The following CSGALNACT2 variants were observed in gnomAD, a reference collection of about 807,000 sequenced individuals.
CSGALNACT2 encodes the protein beta 4 GalNAcT-2.
A neutral mutation model predicts 55.3 loss-of-function variants in CSGALNACT2; 35 were observed. That is an observed-to-expected ratio of 0.63 (90% confidence interval 0.48 to 0.84). The LOEUF (loss-of-function observed/expected upper bound fraction) is 0.84. Among genes scored for constraint, CSGALNACT2 ranks in the 40% least tolerant of loss-of-function variants. The pLI is 0.00. For synonymous variants in CSGALNACT2, 196 were observed against 224.9 expected (o/e 0.87, Z 1.15); for missense variants, 544 against 657.5 (o/e 0.83, Z 1.89).
chr10:43,156,060 A>T lies in CSGALNACT2; in HGVS notation c.661+250A>T, dbSNP rs1340200817. Among the ~76,000 whole-genome samples, 5 of 152,198 alleles carry T rather than the reference A, an allele frequency of 3.3e-5. 1 individual carries two copies. The highest frequency in any genetic ancestry group is 3.3e-4 in the Admixed American group (5 of 15,288). ...ATCATAATAAAAATGGAGAATAAGGACTAGGGAAATAGAATAAAACAGCTC... is the reference window on the plus strand; with the variant it reads ...ATCATAATAAAAATGGAGAATAAGGTCTAGGGAAATAGAATAAAACAGCTC... On this transcript the variant is annotated intron_variant, in intron 2 of 7. Transcript: ENST00000374466.
intron 5 of CSGALNACT2, among the ~76,000 whole-genome samples, chr10:43,166,016 G>GT (rs1306283141): frequency 3.9e-5 from 6 of 152,104 alleles, no homozygotes; most frequent in Admixed American, 2.6e-4. Context: ...AGCAAATGGG[G>GT]TTTTTTTAAT....
chr10:43,165,365 T>C (rs1199768690), intron 5 of CSGALNACT2, among the ~76,000 whole-genome samples: 1 of 151,600 alleles, frequency 6.6e-6, no homozygotes, highest in Non-Finnish European at 1.5e-5. Context: ...AAAATGTTCT[T>C]ACCACCAAAA....
At position 43,184,946 on chromosome 10, in the gene CSGALNACT2, C is replaced by T. The variant is rs767302413; in HGVS notation, c.*1404C>T. On this transcript the variant is annotated 3_prime_UTR_variant, in exon 8 of 8. Coordinates refer to ENST00000374466, the MANE Select transcript of CSGALNACT2 (RefSeq NM_018590.5). ...TAGGTGCTATATTAATTCAATATTA[C>T]AATAACTCTTACCTAATTATTCTTA... 97 of 152,222 alleles carry T rather than the reference C, an allele frequency of 6.4e-4. No homozygotes were observed. The highest frequency in any genetic ancestry group is 1.2e-3 in the Non-Finnish European group (83 of 68,004). 9.4% of individuals were successfully genotyped at this position (152,222 alleles called of 1,614,324 possible).
intron 1 of CSGALNACT2, among the ~76,000 whole-genome samples, chr10:43,150,584 CATT>C (rs1471112645): frequency 2.7e-4 from 41 of 152,122 alleles, no homozygotes; most frequent in African/African-American, 9.7e-4. Flanking sequence ...AGTAATCTGT[CATT>C]ATTATCTTTT....
chr10:43,146,360 A>C (rs1303567696), intron 1 of CSGALNACT2, among the ~76,000 whole-genome samples: 1 of 152,242 alleles, frequency 6.6e-6, no homozygotes, highest in Non-Finnish European at 1.5e-5. Flanking sequence ...GATGAAGTCC[A>C]TAAGACTCAG....
intron 1 of CSGALNACT2, among the ~76,000 whole-genome samples, chr10:43,146,804 C>T (rs1012806294): frequency 4.6e-5 from 7 of 151,344 alleles, no homozygotes; most frequent in Non-Finnish European, 8.8e-5. Flanking sequence ...ATTTTATATT[C>T]CCATCAGCAG....
intron 1 of CSGALNACT2, among the ~76,000 whole-genome samples, chr10:43,151,283 A>ATT (rs1838868557): frequency 6.6e-6 from 1 of 152,002 alleles, no homozygotes; most frequent in South Asian, 2.1e-4. Flanking sequence ...AGTACTGGAT[A>ATT]TTTCTGTATT....
chr10:43,154,276 G>GAGTTA (rs535724844), intron 1 of CSGALNACT2, among the ~76,000 whole-genome samples: 59 of 152,324 alleles, frequency 3.9e-4, no homozygotes, highest in Admixed American at 3.1e-3. Flanking sequence ...TGTTAATAAA[G>GAGTTA]AGTTATAGGC....
chr10:43,167,344 T>A (rs1839288452), intron 6 of CSGALNACT2, among the ~76,000 whole-genome samples: 2 of 149,748 alleles, frequency 1.3e-5, no homozygotes, highest in Admixed American at 1.3e-4. Context: ...AAGGAAAACC[T>A]CATGTCCCAG....
intron 1 of CSGALNACT2, among the ~76,000 whole-genome samples, chr10:43,151,270 T>C (rs1214110722): frequency 6.6e-6 from 1 of 152,244 alleles, no homozygotes; most frequent in African/African-American, 2.4e-5. Flanking sequence ...TTTTATTTTG[T>C]TGAGTACTGG....
At position 43,183,354 on chromosome 10, in the gene CSGALNACT2, C is replaced by A; in HGVS notation, c.1441C>A (p.Leu481Ile). The A allele has an allele frequency of 6.2e-7, 1 of 1,614,154 alleles. No individual in the cohort carries two copies. Among genetic ancestry groups the A allele is most frequent in the Middle Eastern group, 1.6e-4 (1 of 6,062 alleles). The change falls in exon 8 of 8, where the codon CTT becomes ATT. Residue 481 changes from leucine to isoleucine, a missense_variant. By Grantham distance (5) the Leu-to-Ile change is conservative. This residue lies in a region of CSGALNACT2 where 170 missense variants were observed against 256.2 expected (regional missense o/e 0.66). Transcript: ENST00000374466. The stretch of plus-strand genomic sequence containing the variant: ...TGTGATTCGGACTCCGGTTCCTGGT[C>A]TTTTCCACCTCTGGCATGAAAAGCG... ...LIVIRTPVPG[L>I]FHLWHEKRCA...
At chr10:43,152,751 A>G (rs1838903800) in intron 1 of CSGALNACT2, among the ~76,000 whole-genome samples, 1 of 152,204 alleles carries the variant, frequency 6.6e-6, no homozygotes, top group Non-Finnish European at 1.5e-5. Flanking sequence ...ATGCTTAAGT[A>G]TGTATATCTT....
rs373672773 is a variant in CSGALNACT2 at position 43,165,877 on chromosome 10, G to A, written c.1160-1127G>A. On this transcript the variant is annotated intron_variant, in intron 5 of 7. Coordinates refer to ENST00000374466, the MANE Select transcript of CSGALNACT2 (RefSeq NM_018590.5). ...TGTTCCTGTAATCCCAGCTACTTGCGAGGCTGAGGCAGAAGAATTGCTTGA... is the reference window on the plus strand; with the variant it reads ...TGTTCCTGTAATCCCAGCTACTTGCAAGGCTGAGGCAGAAGAATTGCTTGA... Among the ~76,000 whole-genome samples, 20 of 152,262 alleles carry A rather than the reference G, an allele frequency of 1.3e-4. No homozygotes were observed. The East Asian group carries it at 1.5e-3, about 12-fold the overall frequency.
At chr10:43,168,476 G>A (rs970101120) in intron 6 of CSGALNACT2, among the ~76,000 whole-genome samples, 2 of 151,874 alleles carry the variant, frequency 1.3e-5, no homozygotes, top group African/African-American at 4.8e-5. Context: ...AAAAAAGGTG[G>A]AAGCTCTGAA....
Position 43,184,541 on chromosome 10 carries a change from T to C in CSGALNACT2, c.*999T>C, listed in dbSNP as rs1839658561. 1 of 152,168 alleles carries C rather than the reference T, an allele frequency of 6.6e-6. No homozygotes were observed. The highest frequency in any genetic ancestry group is 2.4e-5 in the African/African-American group (1 of 41,440). The allele number at this position is 152,168 out of a possible 1,614,324, so 9.4% of individuals were successfully genotyped here. A position where few individuals can be genotyped will look rare whatever the true frequency, so the allele number is the denominator to read the frequency against. ...TATAATACTTTGAGTTGAAAAAGAG[T>C]TTCATTGTGGAGAGAAAAAGCAAAT... On this transcript the variant is annotated 3_prime_UTR_variant, in exon 8 of 8. Coordinates refer to ENST00000374466, the MANE Select transcript of CSGALNACT2 (RefSeq NM_018590.5).
chr10:43,163,396 AGAG>A, intron 4 of CSGALNACT2: 1 of 613,594 alleles, frequency 1.6e-6, no homozygotes, highest in Non-Finnish European at 2.0e-6. Flanking sequence ...CAGCTGAGGA[AGAG>A]GATGGAGATG....
Position 43,179,383 on chromosome 10 carries a change from G to A in CSGALNACT2, c.1336+3351G>A, listed in dbSNP as rs74231418. 8.4e-3 allele frequency among the ~76,000 whole-genome samples: 1,265 copies of A among 150,496 alleles called. 54 individuals are homozygous for A. In the East Asian group the frequency reaches 0.097, roughly 11 times the overall value. On this transcript the variant is annotated intron_variant, in intron 7 of 7. Coordinates refer to ENST00000374466, the MANE Select transcript of CSGALNACT2 (RefSeq NM_018590.5). ...GATACTGATTTCCCTCTACCACCAC[G>A]GCTTGGTTTTTTTTTTTCCTTGTTT... is the stretch of plus-strand genomic sequence containing the variant.
rs115660163 is a variant in CSGALNACT2, at chr10:43,156,883, G to A, written c.661+1073G>A. On this transcript the variant is annotated intron_variant, in intron 2 of 7. Transcript: ENST00000374466. ...AACAAACAGGCCACGGACCAGTAGCGGTCTGTGGCCTGGGGGTTAGGGACC... is the reference window on the plus strand; with the variant it reads ...AACAAACAGGCCACGGACCAGTAGCAGTCTGTGGCCTGGGGGTTAGGGACC... Among the ~76,000 whole-genome samples, 798 of 152,342 alleles carry A rather than the reference G, an allele frequency of 5.2e-3. 6 individuals are homozygous for A. Among genetic ancestry groups the A allele is most frequent in the African/African-American group, 0.017 (721 of 41,578 alleles).
At position 43,163,321 on chromosome 10, in the gene CSGALNACT2, A is replaced by G. The variant is rs1048522904; in HGVS notation, c.981-545A>G. On this transcript the variant is annotated intron_variant, in intron 4 of 7. Coordinates refer to ENST00000374466, the MANE Select transcript of CSGALNACT2 (RefSeq NM_018590.5). ...TGCATCCATAGTAATGAACAAAACA[A>G]AATCCCTGCTCCCACAGAGTGGGAG... 13 of 754,134 alleles carry G rather than the reference A, an allele frequency of 1.7e-5. No homozygotes were observed. In the African/African-American group the frequency reaches 2.3e-4, roughly 13 times the overall value. The allele number at this position is 754,134 out of a possible 1,614,324, so 46.7% of individuals were successfully genotyped here.
Sources: gnomAD v4.1 joint callset for allele counts (sites outside exome capture counted in the v4.1 genomes callset) on GRCh38, gnomAD v4.1.1 for gene constraint, gnomAD v4.1.1 regional missense constraint, MANE v1.5 for transcripts, NCBI Gene and HGNC (gene_info 2026-07-23, HGNC 2026-07-21) for gene names.